The following ASIC2 variants were observed in gnomAD, a reference collection of about 807,000 sequenced individuals.
The protein encoded by ASIC2 is acid-sensing ion channel 2.
ASIC2 carries 25 observed loss-of-function variants against 57.3 expected under a neutral mutation model. The ratio of observed to expected loss-of-function variants is 0.44; its 90% CI spans 0.32 to 0.61. The LOEUF is 0.61. ASIC2 is among the 20% of genes least tolerant of loss of function. The probability of loss-of-function intolerance (pLI) is 0.06; values close to 1 mark genes in which losing one functional copy is unlikely to be tolerated. For missense variants in ASIC2, 641 were observed against 738.1 expected (o/e 0.87, Z 1.52); for synonymous variants, 319 against 307.5 (o/e 1.04, Z -0.39).
At chr17:33,467,776 A>G (rs191615505) in intron 1 of ASIC2, among the ~76,000 whole-genome samples, 1 of 152,320 alleles carries the variant, frequency 6.6e-6, no homozygotes, top group African/African-American at 2.4e-5. Flanking sequence ...CCACCTTCCA[A>G]CTGTCCCACA....
chr17:33,313,530 G>A (rs988396276), intron 1 of ASIC2, among the ~76,000 whole-genome samples: 2 of 152,080 alleles, frequency 1.3e-5, no homozygotes, highest in Non-Finnish European at 2.9e-5. Context: ...TCCAATAAAT[G>A]TTTGTCTTTT....
intron 1 of ASIC2, among the ~76,000 whole-genome samples, chr17:33,245,684 A>T (rs906523135): frequency 1.3e-5 from 2 of 152,118 alleles, no homozygotes; most frequent in African/African-American, 4.8e-5. Flanking sequence ...CTATGTGAGG[A>T]GCTGGAAGAG....
At chr17:33,338,264 G>A (rs1907597588) in intron 1 of ASIC2, among the ~76,000 whole-genome samples, 2 of 152,202 alleles carry the variant, frequency 1.3e-5, no homozygotes, top group African/African-American at 4.8e-5. Flanking sequence ...GGCTGGAAAT[G>A]TTCCTTCTGA....
At chr17:33,607,723 C>T (rs1429615012) in intron 1 of ASIC2, among the ~76,000 whole-genome samples, 1 of 152,176 alleles carries the variant, frequency 6.6e-6, no homozygotes, top group Non-Finnish European at 1.5e-5. Context: ...GAGAGCTGCC[C>T]TAGACTCTAG....
chr17:33,895,166 ATT>A (rs11387427), intron 1 of ASIC2, among the ~76,000 whole-genome samples: 15 of 143,940 alleles, frequency 1.0e-4, no homozygotes, highest in African/African-American at 2.8e-4. Context: ...TTTTTTTGCT[ATT>A]TTTTTTTTTT....
chr17:33,774,969 A>G (rs917481283), intron 1 of ASIC2, among the ~76,000 whole-genome samples: 1 of 152,218 alleles, frequency 6.6e-6, no homozygotes, highest in Non-Finnish European at 1.5e-5. Flanking sequence ...ACCCAGGCCA[A>G]TGCAACAGTC....
chr17:34,047,211 T>A (rs1908370836), intron 1 of ASIC2, among the ~76,000 whole-genome samples: 1 of 152,108 alleles, frequency 6.6e-6, no homozygotes, highest in African/African-American at 2.4e-5. Flanking sequence ...CACACATACA[T>A]ACGTGTATGT....
intron 1 of ASIC2, among the ~76,000 whole-genome samples, chr17:34,119,634 CACACACAA>C (rs1416717173): frequency 1.3e-5 from 2 of 150,798 alleles, no homozygotes; most frequent in Non-Finnish European, 3.0e-5. Flanking sequence ...CACACACACA[CACACACAA>C]ACACACACAC....
chr17:33,754,832 C>T (rs891066179), intron 1 of ASIC2, among the ~76,000 whole-genome samples: 3 of 151,754 alleles, frequency 2.0e-5, no homozygotes, highest in African/African-American at 4.8e-5. Flanking sequence ...GTGGCGGGCA[C>T]CTGTGGTCCC....
intron 1 of ASIC2, among the ~76,000 whole-genome samples, chr17:33,326,270 G>A (rs1053892389): frequency 9.9e-5 from 15 of 152,140 alleles, no homozygotes; most frequent in Admixed American, 8.5e-4. Context: ...CAAGGAAATC[G>A]AGGTCATTAA....
At chr17:33,080,827 G>T (rs1290400359) in intron 3 of ASIC2, among the ~76,000 whole-genome samples, 2 of 152,172 alleles carry the variant, frequency 1.3e-5, no homozygotes, top group Admixed American at 1.3e-4. Context: ...ACAAAGGGCT[G>T]ATTCACGTCC....
At chr17:33,944,898 T>C (rs1904327137) in intron 1 of ASIC2, among the ~76,000 whole-genome samples, 1 of 152,206 alleles carries the variant, frequency 6.6e-6, no homozygotes, top group African/African-American at 2.4e-5. Context: ...ACACCATCCT[T>C]TCTGCTTCCC....
rs139374477 is a variant in ASIC2 at position 33,500,694 on chromosome 17, C to T, written c.556-388627G>A. ...GGGCAGGGAATATGTGGGCAACGTT[C>T]TGAAACTTATCCGATGATAAAACAC... On this transcript the variant is annotated intron_variant, in intron 1 of 9. Transcript: ENST00000359872. Among the ~76,000 whole-genome samples the T allele has an allele frequency of 2.5e-3, 388 of 152,342 alleles. 9 individuals are homozygous for T. The East Asian group carries it at 0.065, about 25-fold the overall frequency.
chr17:33,391,255 C>T (rs1180721498), intron 1 of ASIC2, among the ~76,000 whole-genome samples: 1 of 152,156 alleles, frequency 6.6e-6, no homozygotes, highest in East Asian at 1.9e-4. Flanking sequence ...ACTCAGGTCA[C>T]CTGCTTTTTC....
intron 1 of ASIC2, among the ~76,000 whole-genome samples, chr17:33,699,111 A>G (rs544042373): frequency 1.3e-5 from 2 of 152,194 alleles, no homozygotes; most frequent in African/African-American, 2.4e-5. Flanking sequence ...TTCTTAGCCA[A>G]CTGAGTTTTC....
At chr17:33,265,495 C>G (rs1909426358) in intron 1 of ASIC2, among the ~76,000 whole-genome samples, 2 of 152,106 alleles carry the variant, frequency 1.3e-5, no homozygotes, top group Non-Finnish European at 2.9e-5. Flanking sequence ...ACAACACACA[C>G]TGGGGCCTGT....
At chr17:33,201,814 G>A (rs1906874028) in intron 1 of ASIC2, among the ~76,000 whole-genome samples, 1 of 152,090 alleles carries the variant, frequency 6.6e-6, no homozygotes, top group Non-Finnish European at 1.5e-5. Flanking sequence ...CAGATCACTT[G>A]AGCCCAGAAG....
chr17:33,919,405 A>G (rs1915660259), intron 1 of ASIC2, among the ~76,000 whole-genome samples: 1 of 152,240 alleles, frequency 6.6e-6, no homozygotes, highest in Non-Finnish European at 1.5e-5. Flanking sequence ...CAACACAAAG[A>G]AGCAACGGGG....
At chr17:33,232,406 AATGGTATGGTATGGT>A (rs1160468658) in intron 1 of ASIC2, among the ~76,000 whole-genome samples, 2 of 136,058 alleles carry the variant, frequency 1.5e-5, no homozygotes, top group African/African-American at 5.9e-5. Context: ...TATGGTATGG[AATGGTATGGTATGGT>A]ATGGTATGGT....
Sources: gnomAD v4.1 joint callset for allele counts (sites outside exome capture counted in the v4.1 genomes callset) on GRCh38, gnomAD v4.1.1 for gene constraint, MANE v1.5 for transcripts, NCBI Gene and HGNC (gene_info 2026-07-23, HGNC 2026-07-21) for gene names.